Variants in DMD observed in about 807,000 individuals in gnomAD.
The protein encoded by DMD is dystrophin.
A neutral mutation model predicts 330.1 loss-of-function variants in DMD; 63 were observed. The observed-to-expected ratio is 0.19, with a 90% CI of 0.16 to 0.24. The LOEUF (loss-of-function observed/expected upper bound fraction) is 0.24. Among genes scored for constraint, DMD ranks in the 10% least tolerant of loss-of-function variants. The pLI, the probability that DMD is intolerant of heterozygous loss-of-function variation, is 1.00. For missense variants in DMD, 3,344 were observed against 2,684.1 expected (o/e 1.25, Z -5.43); for synonymous variants, 1,223 against 959.8 (o/e 1.27, Z -5.07).
chrX:32,921,825 A>G (rs1309253630), intron 2 of DMD, among the ~76,000 whole-genome samples: 2 of 111,423 alleles, frequency 1.8e-5, no homozygotes, highest in African/African-American at 6.5e-5. Context: ...CCAACCATTT[A>G]TTTATTTATC....
At chrX:32,559,467 T>C (rs2050748471) in intron 16 of DMD, among the ~76,000 whole-genome samples, 1 of 111,673 alleles carries the variant, frequency 9.0e-6, no homozygotes, top group Non-Finnish European at 1.9e-5. Context: ...AATGAAAAGG[T>C]CTTTTAAATA....
chrX:32,361,390 G>T (rs2097833806), intron 37 of DMD, among the ~76,000 whole-genome samples: 2 of 111,389 alleles, frequency 1.8e-5, no homozygotes, highest in African/African-American at 6.5e-5. Flanking sequence ...GTTCTCTCAT[G>T]CTGTCTCTCT....
intron 60 of DMD, among the ~76,000 whole-genome samples, chrX:31,380,950 A>T (rs1329347749): frequency 1.8e-5 from 2 of 110,523 alleles, no homozygotes; most frequent in Admixed American, 1.9e-4. Flanking sequence ...TTCTCATAAA[A>T]ACACACGTGC....
In DMD at chrX:32,287,594, C is replaced by T. The variant is rs1226885639; in HGVS notation, c.6225G>A (p.Gln2075=). The T allele has an allele frequency of 2.5e-6, 3 of 1,208,954 alleles. No individual in the cohort carries two copies. The highest frequency in any genetic ancestry group is 3.4e-6 in the Non-Finnish European group (3 of 894,713). The change falls in exon 43 of 79, where the codon CAG becomes CAA. Residue 2075 remains glutamine (Q), a synonymous_variant. Transcript: ENST00000357033. ...SATPVERVKL[Q]EALSQLDFQW... ...GGAAATCAAGCTGGGAGAGAGCTTC[C>T]TGTAGCTTCACCCTTTCCACAGGCG...
intron 50 of DMD, among the ~76,000 whole-genome samples, chrX:31,793,275 T>C (rs1020331966): frequency 1.8e-5 from 2 of 110,739 alleles, no homozygotes; most frequent in African/African-American, 6.6e-5. Context: ...AGTTCCCACT[T>C]TGAGCTGCGG....
At chrX:31,882,499 C>G (rs766331747) in intron 47 of DMD, among the ~76,000 whole-genome samples, 5 of 111,117 alleles carry the variant, frequency 4.5e-5, no homozygotes, top group Non-Finnish European at 5.7e-5. Context: ...ATTTTTTAAA[C>G]AAGACATAAA....
chrX:31,925,632 G>T (rs2094760463), intron 47 of DMD, among the ~76,000 whole-genome samples: 1 of 111,355 alleles, frequency 9.0e-6, no homozygotes, highest in Admixed American at 9.5e-5. Flanking sequence ...AGCAATTTGG[G>T]AGGCCGAGGT....
intron 29 of DMD, among the ~76,000 whole-genome samples, chrX:32,413,798 G>A (rs1047714626): frequency 1.0e-5 from 1 of 98,753 alleles, no homozygotes; most frequent in Non-Finnish European, 2.0e-5. Context: ...TCTGCTCACT[G>A]CAACCTCTGC....
intron 17 of DMD, among the ~76,000 whole-genome samples, chrX:32,543,502 T>A (rs228365): frequency 0.19 from 20,967 of 111,100 alleles, 1,481 homozygotes; most frequent in East Asian, 0.31. Context: ...TTTGGAGAAC[T>A]GTTGGAGGGT....
chrX:32,089,495 G>A (rs1302053067), intron 44 of DMD, among the ~76,000 whole-genome samples: 1 of 111,153 alleles, frequency 9.0e-6, no homozygotes, highest in Non-Finnish European at 1.9e-5. Flanking sequence ...GTGTCCATAT[G>A]TTCTCATCAT....
intron 6 of DMD, among the ~76,000 whole-genome samples, chrX:32,811,175 T>A (rs1289909414): frequency 8.0e-4 from 72 of 90,027 alleles, no homozygotes; most frequent in Non-Finnish European, 4.8e-4. Context: ...CTCTACAACT[T>A]ATTAAAAAAA....
At chrX:32,879,007 C>CAAAAAAA (rs780431879) in intron 2 of DMD, among the ~76,000 whole-genome samples, 1 of 65,761 alleles carries the variant, frequency 1.5e-5, no homozygotes, top group Non-Finnish European at 2.9e-5. Flanking sequence ...GACTACGTCT[C>CAAAAAAA]AAAAAAAAAA....
intron 59 of DMD, among the ~76,000 whole-genome samples, chrX:31,471,429 G>A (rs974075971): frequency 3.6e-5 from 4 of 111,667 alleles, no homozygotes; most frequent in African/African-American, 6.5e-5. Context: ...TTGTGCTTCC[G>A]GGGTGAGGCG....
chrX:31,756,332 C>A (rs1464040503), intron 51 of DMD, among the ~76,000 whole-genome samples: 2 of 111,797 alleles, frequency 1.8e-5, no homozygotes, highest in Non-Finnish European at 3.8e-5. Context: ...ATCATTTTTC[C>A]TAAGCAAATC....
At chrX:32,694,024 A>G (rs2063471412) in intron 9 of DMD, among the ~76,000 whole-genome samples, 1 of 112,117 alleles carries the variant, frequency 8.9e-6, no homozygotes, top group African/African-American at 3.2e-5. Flanking sequence ...AATTCACTGA[A>G]TAATTTTCAA....
chrX:31,266,661 G>A (rs1186217627), intron 62 of DMD: 17 of 586,552 alleles, frequency 2.9e-5, no homozygotes, highest in Non-Finnish European at 4.5e-5. Flanking sequence ...GGAACCCGCG[G>A]GAGAGGTTCC....
intron 63 of DMD, among the ~76,000 whole-genome samples, chrX:31,241,646 A>AC (rs1201048568): frequency 2.7e-5 from 3 of 111,297 alleles, no homozygotes; most frequent in Non-Finnish European, 5.7e-5. Context: ...ATCTGTGATT[A>AC]CCTTCTGGCA....
chrX:32,147,814 A>C (rs1352215829), intron 44 of DMD, among the ~76,000 whole-genome samples: 2 of 109,476 alleles, frequency 1.8e-5, no homozygotes, highest in Non-Finnish European at 3.8e-5. Flanking sequence ...CTTGAGTCTT[A>C]CTGTTTGGGT....
chrX:31,749,652 T>C (rs1250422901), intron 51 of DMD, among the ~76,000 whole-genome samples: 3 of 108,604 alleles, frequency 2.8e-5, no homozygotes, highest in Admixed American at 2.0e-4. Flanking sequence ...CCTTTGGGTA[T>C]ATACCCAGTA....
Sources: gnomAD v4.1 joint callset for allele counts (sites outside exome capture counted in the v4.1 genomes callset) on GRCh38, gnomAD v4.1.1 for gene constraint, MANE v1.5 for transcripts, NCBI Gene and HGNC (gene_info 2026-07-23, HGNC 2026-07-21) for gene names.